TLCD4: variants seen among roughly 807,000 people sequenced by gnomAD.
The protein encoded by TLCD4 is TLC domain containing 4.
Under a neutral mutation model 24.2 loss-of-function variants are expected in TLCD4, and 7 were observed. The observed-to-expected ratio is 0.29, with a 90% confidence interval of 0.16 to 0.54. The LOEUF (loss-of-function observed/expected upper bound fraction) is 0.54, where lower values mean the gene tolerates loss of function less well. Ranked by LOEUF, TLCD4 falls within the 20% of genes least tolerant of loss-of-function variation. The pLI is 0.95. For missense variants in TLCD4, 259 were observed against 313.9 expected (o/e 0.82, Z 1.32); for synonymous variants, 103 against 106.4 (o/e 0.97, Z 0.20).
the TLCD4 span, among the ~76,000 whole-genome samples, chr1:95,103,177 C>T: frequency 1.3e-5 from 2 of 152,072 alleles, no homozygotes; most frequent in Non-Finnish European, 2.9e-5. Context: ...CAGGGTTTCA[C>T]CACGTTGGCT....
At chr1:95,107,040 T>C in the TLCD4 span, among the ~76,000 whole-genome samples, 1 of 152,254 alleles carries the variant, frequency 6.6e-6, no homozygotes, top group Non-Finnish European at 1.5e-5. Context: ...GCAGGAATGA[T>C]AGTTGTAATA....
chr1:95,109,308 C>T, the TLCD4 span, among the ~76,000 whole-genome samples: 6 of 151,928 alleles, frequency 3.9e-5, no homozygotes, highest in South Asian at 1.3e-3. Flanking sequence ...GTGCCACTGC[C>T]CTCCAGCCTG....
At chr1:95,127,050 C>G (rs1676759175) in intron 1 of TLCD4, among the ~76,000 whole-genome samples, 1 of 152,200 alleles carries the variant, frequency 6.6e-6, no homozygotes, top group African/African-American at 2.4e-5. Context: ...TCACTTAAGC[C>G]ACATAACTAT....
intron 6 of TLCD4, 146 bp from the exon 7 acceptor site, chr1:95,191,404 A>G: frequency 9.9e-7 from 1 of 1,008,690 alleles, no homozygotes; most frequent in Non-Finnish European, 1.4e-6. Context: ...TGAGTCCTCC[A>G]ACTTTGTTCT....
In TLCD4 at chr1:95,168,302, T is replaced by C. The variant is rs538156664; in HGVS notation, c.400-5514T>C. 3.3e-5 allele frequency among the ~76,000 whole-genome samples: 5 copies of C among 152,232 alleles called. No individual in the cohort carries two copies. In the South Asian group the frequency reaches 6.2e-4, roughly 19 times the overall value. On this transcript the variant is annotated intron_variant, in intron 5 of 6. Transcript: ENST00000370203. Reference sequence around the variant, plus strand: ...ATCCTATTGCTCCTTAGTTTGCAAGTGTGCTCACTGTCTGCTTCTAGATGT... The same window carrying C: ...ATCCTATTGCTCCTTAGTTTGCAAGCGTGCTCACTGTCTGCTTCTAGATGT...
At chr1:95,126,112 C>T (rs910238698) in intron 1 of TLCD4, among the ~76,000 whole-genome samples, 7 of 147,736 alleles carry the variant, frequency 4.7e-5, no homozygotes, top group Non-Finnish European at 5.9e-5. Flanking sequence ...GACAACATAG[C>T]GAGACGCCAT....
chr1:95,185,077 C>T (rs1210881929), intron 6 of TLCD4, among the ~76,000 whole-genome samples: 3 of 150,718 alleles, frequency 2.0e-5, no homozygotes, highest in African/African-American at 7.3e-5. Flanking sequence ...TACATGTGCA[C>T]ATATGTAACT....
rs530447589 is a variant in TLCD4, at chr1:95,166,166, A to T, written c.400-7650A>T. ...TTGCAGTGAGCTGCTTACACTTCTC[A>T]CTATGGGGTAGTCCACCCTAAGCTG... On this transcript the variant is annotated intron_variant, in intron 5 of 6. Transcript: ENST00000370203. Among the ~76,000 whole-genome samples, 161 of 152,184 alleles carry T rather than the reference A, an allele frequency of 1.1e-3. No individual in the cohort carries two copies. In the South Asian group the frequency reaches 0.017, roughly 16 times the overall value.
chr1:95,141,792 TACACACACAC>T lies in TLCD4; in HGVS notation c.-11-2067_-11-2058del, dbSNP rs3075917. On this transcript the variant is annotated intron_variant, in intron 1 of 6. Coordinates refer to ENST00000370203, the MANE Select transcript of TLCD4 (RefSeq NM_152487.3). ...TTGTAATATCAATATTTTTACCAAG[TACACACACAC>T]ACACACACACACACACACACACACA... Among the ~76,000 whole-genome samples the T allele has an allele frequency of 3.1e-3, 425 of 138,646 alleles. 3 individuals are homozygous for T. The highest frequency in any genetic ancestry group is 0.015 in the Middle Eastern group (4 of 264). 91.0% of individuals were successfully genotyped at this position (138,646 alleles called of 152,430 possible). A position where few individuals can be genotyped will look rare whatever the true frequency, so the allele number is the denominator to read the frequency against.
intron 1 of TLCD4, among the ~76,000 whole-genome samples, chr1:95,125,279 A>G (rs1175215710): frequency 3.9e-5 from 6 of 152,228 alleles, no homozygotes; most frequent in Admixed American, 6.5e-5. Flanking sequence ...ATGAAGGCAC[A>G]TCTGATTCGT....
At chr1:95,135,806 G>A (rs1571732859) in intron 1 of TLCD4, among the ~76,000 whole-genome samples, 1 of 151,994 alleles carries the variant, frequency 6.6e-6, no homozygotes, top group African/African-American at 2.4e-5. Context: ...TGTGATCTCC[G>A]CCTCCTGGGC....
At chr1:95,150,375 A>T (rs541813653) in intron 4 of TLCD4, 109 bp downstream of exon 4, 166 of 1,391,296 alleles carry the variant, frequency 1.2e-4, no homozygotes, top group Admixed American at 2.8e-4. Flanking sequence ...GCATTTAGGA[A>T]GCATACAGAG....
Position 95,143,888 on chromosome 1 carries a change from C to A in TLCD4, c.-11-3C>A. ...AATTTATAGCTGTCATTTATCTTAA[C>A]AGGTTGAAGAAATATGGAGATCAAC... On this transcript the variant is annotated splice_polypyrimidine_tract_variant and splice_region_variant and intron_variant, in intron 1 of 6. Coordinates refer to ENST00000370203, the MANE Select transcript of TLCD4 (RefSeq NM_152487.3). 1 of 1,381,240 alleles carries A rather than the reference C, an allele frequency of 7.2e-7. No homozygotes were observed. Among genetic ancestry groups the A allele is most frequent in the Non-Finnish European group, 9.4e-7 (1 of 1,059,324 alleles). The allele number at this position is 1,381,240 out of a possible 1,614,324, so 85.6% of individuals were successfully genotyped here.
rs114155861 is a variant in TLCD4 at position 95,186,081 on chromosome 1, A to G, written c.474-5469A>G. ...AATCTTTTAAAATTATATTTGTGCC[A>G]TTTATCTTAATAAAGATTGGTGGGT... On this transcript the variant is annotated intron_variant, in intron 6 of 6. Transcript: ENST00000370203. 7.7e-3 allele frequency among the ~76,000 whole-genome samples: 1,169 copies of G among 152,328 alleles called. 6 individuals carry two copies. Among genetic ancestry groups the G allele is most frequent in the African/African-American group, 0.016 (680 of 41,578 alleles).
chr1:95,181,623 G>GTC (rs1410753506), intron 6 of TLCD4, among the ~76,000 whole-genome samples: 1 of 129,414 alleles, frequency 7.7e-6, no homozygotes, highest in Non-Finnish European at 1.8e-5. Context: ...TTGAGATGGA[G>GTC]TCTCGCATTG....
chr1:95,130,770 T>C (rs1222836566), intron 1 of TLCD4, among the ~76,000 whole-genome samples: 1 of 152,196 alleles, frequency 6.6e-6, no homozygotes, highest in Non-Finnish European at 1.5e-5. Flanking sequence ...TTGATAAGAA[T>C]GTTAAAGTAC....
chr1:95,165,464 TG>T (rs775336853), intron 5 of TLCD4, among the ~76,000 whole-genome samples: 3 of 122,754 alleles, frequency 2.4e-5, no homozygotes, highest in South Asian at 2.5e-4. Context: ...TGTGTGTGTG[TG>T]TGTTTTTTTT....
At chr1:95,158,405 A>ACTTTT (rs1677691097) in intron 5 of TLCD4, among the ~76,000 whole-genome samples, 1 of 151,818 alleles carries the variant, frequency 6.6e-6, no homozygotes, top group African/African-American at 2.4e-5. Context: ...CTGGTCTCAA[A>ACTTTT]CTGCTGGGCT....
At chr1:95,115,931 T>C (rs1676420872), upstream of TLCD4, among the ~76,000 whole-genome samples, 1 of 152,186 alleles carries the variant, frequency 6.6e-6, no homozygotes, top group Non-Finnish European at 1.5e-5. Context: ...CAGAGAGTTA[T>C]GAAATAGCTA....
Sources: allele counts gnomAD v4.1 joint callset (sites outside exome capture counted in the v4.1 genomes callset), GRCh38; gene constraint gnomAD v4.1.1; transcripts MANE v1.5; gene names NCBI Gene and HGNC (gene_info 2026-07-23, HGNC 2026-07-21).